NRP1: variants seen among roughly 807,000 people sequenced by gnomAD.
The protein encoded by NRP1 is neuropilin 1.
NRP1 carries 35 observed loss-of-function variants against 106.7 expected under a neutral mutation model. The observed-to-expected ratio is 0.33, with a 90% CI of 0.25 to 0.43. The LOEUF is 0.43. NRP1 is among the 20% of genes least tolerant of loss of function. The pLI, the probability that NRP1 is intolerant of heterozygous loss-of-function variation, is 1.00. For missense variants in NRP1, 1,024 were observed against 1,170.4 expected, an observed-to-expected ratio of 0.87 and a Z score of 1.83; for synonymous variants, 437 against 417.9, an observed-to-expected ratio of 1.05 and a Z score of -0.56.
intron 2 of NRP1, among the ~76,000 whole-genome samples, chr10:33,328,098 G>GT (rs1848019965): frequency 6.6e-6 from 1 of 151,864 alleles, no homozygotes. Flanking sequence ...TATTAAGATT[G>GT]TTATGTAACA....
At chr10:33,201,905 C>T (rs935682580) in intron 11 of NRP1, 1 of 152,128 alleles carries the variant, frequency 6.6e-6, no homozygotes, top group African/African-American at 2.4e-5. Flanking sequence ...GAAATGTACT[C>T]TAGGACACTT....
intron 2 of NRP1, among the ~76,000 whole-genome samples, chr10:33,305,859 C>T (rs992324575): frequency 6.6e-6 from 1 of 152,004 alleles, no homozygotes; most frequent in African/African-American, 2.4e-5. Context: ...ACTTCCGCCT[C>T]CTGGGTTCAA....
At chr10:33,239,715 T>C (rs997377453) in intron 6 of NRP1, among the ~76,000 whole-genome samples, 1 of 152,210 alleles carries the variant, frequency 6.6e-6, no homozygotes, top group African/African-American at 2.4e-5. Context: ...CTTCCTGGAG[T>C]TACCCCCAAA....
intron 12 of NRP1, among the ~76,000 whole-genome samples, chr10:33,196,502 G>A (rs1836796312): frequency 6.6e-6 from 1 of 152,160 alleles, no homozygotes. Context: ...GGAGGTGCCT[G>A]CGCAGTCTTT....
At chr10:33,302,778 C>T (rs1318903198) in intron 2 of NRP1, among the ~76,000 whole-genome samples, 3 of 152,132 alleles carry the variant, frequency 2.0e-5, no homozygotes, top group Non-Finnish European at 2.9e-5. Flanking sequence ...GCATGAAGAG[C>T]CCCAGCAACC....
At chr10:33,237,403 T>A (rs181650874) in intron 6 of NRP1, among the ~76,000 whole-genome samples, 2 of 151,710 alleles carry the variant, frequency 1.3e-5, no homozygotes, top group African/African-American at 4.8e-5. Flanking sequence ...GTGGACCTCA[T>A]AGGACAGGGG....
At chr10:33,327,153 T>C (rs921803753) in intron 2 of NRP1, among the ~76,000 whole-genome samples, 1 of 152,088 alleles carries the variant, frequency 6.6e-6, no homozygotes, top group African/African-American at 2.4e-5. Flanking sequence ...CAAGAGAAAA[T>C]GCAGGGTGTA....
At chr10:33,231,058 A>G (rs886614533) in intron 6 of NRP1, among the ~76,000 whole-genome samples, 2 of 152,210 alleles carry the variant, frequency 1.3e-5, no homozygotes, top group African/African-American at 4.8e-5. Flanking sequence ...TGCTTGTAAC[A>G]GAATATAAGC....
chr10:33,213,972 C>T (rs994518277), intron 8 of NRP1, among the ~76,000 whole-genome samples: 1 of 152,162 alleles, frequency 6.6e-6, no homozygotes, highest in Non-Finnish European at 1.5e-5. Flanking sequence ...GCTTTGACAT[C>T]TTCTAAGTTT....
chr10:33,213,419 C>A lies in NRP1; in HGVS notation c.1581G>T (p.Lys527Asn). The change falls in exon 9 of 17, where the codon AAG (lysine) becomes AAT (asparagine). Residue 527 changes from lysine (K) to asparagine (N), a missense_variant. By Grantham distance (94) the Lys-to-Asn change is moderately conservative. Coordinates refer to ENST00000374867, the MANE Select transcript of NRP1 (RefSeq NM_003873.7). ...IGYSNNGSDWKMIMDDSKRKA... is the reference protein window; with the variant it reads ...IGYSNNGSDWNMIMDDSKRKA... ...TGCGTTTGCTGTCATCCATGATCAT[C>A]TTCCAGTCCGAGCCGTTGTTGCTGT... The A allele has an allele frequency of 6.2e-7, 1 of 1,614,084 alleles. No homozygotes were observed. The highest frequency in any genetic ancestry group is 8.5e-7 in the Non-Finnish European group (1 of 1,180,030).
At chr10:33,236,139 G>A (rs1374195969) in intron 6 of NRP1, among the ~76,000 whole-genome samples, 1 of 152,200 alleles carries the variant, frequency 6.6e-6, no homozygotes, top group Non-Finnish European at 1.5e-5. Context: ...TTGGAAAGAG[G>A]ACACGCTGTC....
chr10:33,181,918 G>A (rs763042930), intron 16 of NRP1, among the ~76,000 whole-genome samples: 8 of 152,062 alleles, frequency 5.3e-5, no homozygotes, highest in Non-Finnish European at 1.2e-4. Flanking sequence ...TGGGCAACAT[G>A]GTGAAACTCC....
chr10:33,191,649 A>G (rs951915030), intron 13 of NRP1, among the ~76,000 whole-genome samples: 2 of 152,182 alleles, frequency 1.3e-5, no homozygotes, highest in Non-Finnish European at 1.5e-5. Flanking sequence ...ATTTGTGAAT[A>G]TGTTTGAAAT....
At chr10:33,310,399 C>T (rs932528253) in intron 2 of NRP1, among the ~76,000 whole-genome samples, 11 of 152,040 alleles carry the variant, frequency 7.2e-5, no homozygotes, top group African/African-American at 2.7e-4. Flanking sequence ...TACAGGTGTG[C>T]ACCACCACGC....
chr10:33,213,584 T>C lies in NRP1; in HGVS notation c.1416A>G (p.Ala472=), dbSNP rs1266019345. ...IRLVTSRSGW[A]LPPAPHSYIN... The stretch of plus-strand genomic sequence containing the variant: ...TGTAGGAATGAGGTGCGGGTGGAAG[T>C]GCCCAGCCAGAGCGACTGGTTACCA... The change falls in exon 9 of 17, where the codon GCA becomes GCG. Residue 472 remains alanine (A), a synonymous_variant. Transcript: ENST00000374867. 1.2e-6 allele frequency: 2 copies of C among 1,614,068 alleles called. No individual in the cohort carries two copies. The highest frequency in any genetic ancestry group is 1.1e-5 in the South Asian group (1 of 91,060).
At chr10:33,196,294 A>G (rs1310132159) in intron 12 of NRP1, among the ~76,000 whole-genome samples, 1 of 152,164 alleles carries the variant, frequency 6.6e-6, no homozygotes, top group Non-Finnish European at 1.5e-5. Context: ...CTGCAACAAC[A>G]GCTAAAATGT....
At chr10:33,276,674 T>TG (rs1169135523) in intron 2 of NRP1, among the ~76,000 whole-genome samples, 9 of 152,154 alleles carry the variant, frequency 5.9e-5, no homozygotes, top group Admixed American at 5.2e-4. Flanking sequence ...ATATTTTTTG[T>TG]GGGGGGATGG....
chr10:33,290,311 C>T (rs1387606946), intron 2 of NRP1, among the ~76,000 whole-genome samples: 1 of 149,872 alleles, frequency 6.7e-6, no homozygotes, highest in African/African-American at 2.5e-5. Flanking sequence ...AAATGCTGTC[C>T]TTTGAAGCTC....
At chr10:33,289,429 G>A (rs1246525488) in intron 2 of NRP1, among the ~76,000 whole-genome samples, 2 of 152,036 alleles carry the variant, frequency 1.3e-5, no homozygotes, top group Non-Finnish European at 2.9e-5. Context: ...ATCTGTTTTA[G>A]TTTCCACAGG....
Sources: gnomAD v4.1 joint callset for allele counts (sites outside exome capture counted in the v4.1 genomes callset) on GRCh38, gnomAD v4.1.1 for gene constraint, MANE v1.5 for transcripts, NCBI Gene and HGNC (gene_info 2026-07-23, HGNC 2026-07-21) for gene names.